The following BCAS3 variants were observed in gnomAD, a reference collection of about 807,000 sequenced individuals.
The protein encoded by BCAS3 is BCAS3 microtubule associated cell migration factor.
Under a neutral mutation model 116.1 loss-of-function variants are expected in BCAS3, and 53 were observed. The observed-to-expected ratio is 0.46, with a 90% CI of 0.37 to 0.57. The LOEUF is 0.57. Among genes scored for constraint, BCAS3 ranks in the 20% least tolerant of loss-of-function variants. The pLI, the probability that BCAS3 is intolerant of heterozygous loss-of-function variation, is 0.00. For missense variants in BCAS3, 917 were observed against 1,165.4 expected, an observed-to-expected ratio of 0.79 and a Z score of 3.10; for synonymous variants, 391 against 408.2, an observed-to-expected ratio of 0.96 and a Z score of 0.51.
At chr17:60,988,344 T>TC (rs1365445871) in intron 14 of BCAS3, among the ~76,000 whole-genome samples, 50 of 127,600 alleles carry the variant, frequency 3.9e-4, no homozygotes, top group East Asian at 3.4e-3. Context: ...TTTTCTTTTT[T>TC]TTTTTTTTTT....
At chr17:60,917,987 A>C (rs2058864597) in intron 12 of BCAS3, among the ~76,000 whole-genome samples, 1 of 152,202 alleles carries the variant, frequency 6.6e-6, no homozygotes, top group Non-Finnish European at 1.5e-5. Flanking sequence ...ATGTACCTAA[A>C]AGTCAAATTG....
intron 3 of BCAS3, 122 bp from the exon 4 acceptor site, chr17:60,689,564 C>A: frequency 1.8e-6 from 1 of 552,050 alleles, no homozygotes; most frequent in Admixed American, 3.5e-5. Context: ...TTCTAGTTAC[C>A]AAGATGTAGG....
At chr17:60,977,801 T>G (rs2062516207) in intron 14 of BCAS3, among the ~76,000 whole-genome samples, 1 of 150,504 alleles carries the variant, frequency 6.6e-6, no homozygotes, top group African/African-American at 2.5e-5. Context: ...GATTTCCAAT[T>G]TCATCCATGT....
intron 22 of BCAS3, among the ~76,000 whole-genome samples, chr17:61,107,248 G>A (rs1279205523): frequency 2.6e-5 from 4 of 151,744 alleles, no homozygotes; most frequent in Non-Finnish European, 5.9e-5. Flanking sequence ...CACCACACCC[G>A]GCTAATTTTT....
intron 22 of BCAS3, among the ~76,000 whole-genome samples, chr17:61,262,957 G>T (rs555089430): frequency 6.6e-5 from 10 of 152,198 alleles, no homozygotes; most frequent in Non-Finnish European, 1.3e-4. Flanking sequence ...CTCCCAAAGT[G>T]CTGGGATTAC....
At chr17:60,988,961 A>G in intron 14 of BCAS3, among the ~76,000 whole-genome samples, 1 of 151,684 alleles carries the variant, frequency 6.6e-6, no homozygotes, top group Non-Finnish European at 1.5e-5. Flanking sequence ...TTTCTTTAAG[A>G]TGCATTGTTA....
intron 6 of BCAS3, among the ~76,000 whole-genome samples, chr17:60,766,118 C>A (rs8071915): frequency 1.3e-5 from 2 of 151,960 alleles, no homozygotes; most frequent in Non-Finnish European, 2.9e-5. Context: ...AGCTTCCTTG[C>A]GATGGGTTCG....
chr17:61,074,117 A>G (rs1437282206), intron 19 of BCAS3, among the ~76,000 whole-genome samples: 4 of 151,708 alleles, frequency 2.6e-5, no homozygotes, highest in Admixed American at 2.0e-4. Flanking sequence ...TCTTAAGAAA[A>G]AAAAAAAAAA....
At chr17:60,872,647 G>A (rs1178636013) in intron 8 of BCAS3, among the ~76,000 whole-genome samples, 2 of 139,242 alleles carry the variant, frequency 1.4e-5, no homozygotes, top group Non-Finnish European at 3.1e-5. Context: ...CACACACCCC[G>A]ATATCTATCT....
At chr17:60,704,001 T>G (rs758966998) in intron 4 of BCAS3, among the ~76,000 whole-genome samples, 33 of 151,574 alleles carry the variant, frequency 2.2e-4, no homozygotes, top group Non-Finnish European at 4.3e-4. Flanking sequence ...AGTCATTATA[T>G]GACAACTTAA....
At chr17:60,685,530 T>G (rs2033899290) in intron 3 of BCAS3, among the ~76,000 whole-genome samples, 1 of 152,160 alleles carries the variant, frequency 6.6e-6, no homozygotes, top group South Asian at 2.1e-4. Context: ...CTTACTAGTT[T>G]CAGACAAGTT....
intron 22 of BCAS3, among the ~76,000 whole-genome samples, chr17:61,147,124 G>T (rs2077266924): frequency 1.3e-5 from 2 of 152,014 alleles, no homozygotes; most frequent in Admixed American, 1.3e-4. Context: ...GCCCAAGCTG[G>T]AGTGCAGTGG....
At chr17:60,805,725 G>T (rs577188823) in intron 6 of BCAS3, among the ~76,000 whole-genome samples, 2 of 151,922 alleles carry the variant, frequency 1.3e-5, no homozygotes, top group South Asian at 4.1e-4. Context: ...CTACTTGGAA[G>T]GCTGAGGCAG....
chr17:61,067,289 ATATATATATATATATATATATATATATT>A (rs2070758890), intron 19 of BCAS3, among the ~76,000 whole-genome samples: 1 of 123,906 alleles, frequency 8.1e-6, no homozygotes, highest in African/African-American at 3.2e-5. Context: ...ATATATATAT[ATATATATATATATATATATATATATATT>A]TATACAGACT....
chr17:61,182,568 G>A, intron 22 of BCAS3, among the ~76,000 whole-genome samples: 1 of 152,238 alleles, frequency 6.6e-6, no homozygotes, highest in East Asian at 1.9e-4. Context: ...ACAATTTAAT[G>A]ATTTCTTAGT....
intron 9 of BCAS3, among the ~76,000 whole-genome samples, chr17:60,879,960 T>C (rs75001442): frequency 0.031 from 4,677 of 152,276 alleles, 180 homozygotes; most frequent in East Asian, 0.091. Context: ...AAACCTATCT[T>C]TGTTTTTCTG....
intron 11 of BCAS3, among the ~76,000 whole-genome samples, chr17:60,907,958 T>G (rs183653788): frequency 2.0e-5 from 3 of 152,272 alleles, no homozygotes; most frequent in African/African-American, 7.2e-5. Flanking sequence ...GGAAACAAAT[T>G]TACCCTAAAA....
chr17:61,087,666 T>G lies in BCAS3; in HGVS notation c.2425+3102T>G, dbSNP rs1022115133. ...TCTGGTAATCTCTGGTTCATGCTTT[T>G]GCAAAGAAACACATTGCCTAAAATA... is the stretch of plus-strand genomic sequence containing the variant. On this transcript the variant is annotated intron_variant, in intron 22 of 23. Coordinates refer to ENST00000407086, the MANE Select transcript of BCAS3 (RefSeq NM_017679.5). This position sits in a 1 kb window ranked among gnomAD's most constrained non-coding sequence, Gnocchi z 4.6. Among the ~76,000 whole-genome samples, 14 of 152,234 alleles carry G rather than the reference T, an allele frequency of 9.2e-5. No homozygotes were observed. The highest frequency in any genetic ancestry group is 3.1e-4 in the African/African-American group (13 of 41,456).
chr17:60,857,263 C>T (rs1216971001), intron 7 of BCAS3, among the ~76,000 whole-genome samples: 2 of 152,128 alleles, frequency 1.3e-5, no homozygotes, highest in East Asian at 3.9e-4. Flanking sequence ...AAATTGCATC[C>T]TTCCTGCCTT....
Sources: allele counts gnomAD v4.1 joint callset (sites outside exome capture counted in the v4.1 genomes callset), GRCh38; gene constraint gnomAD v4.1.1; non-coding constraint Gnocchi (gnomAD v3.1); transcripts MANE v1.5; gene names NCBI Gene and HGNC (gene_info 2026-07-23, HGNC 2026-07-21).